VWA8: variants seen among roughly 807,000 people sequenced by gnomAD.
VWA8 encodes the protein von Willebrand factor A domain containing 8, also known as von Willebrand factor A domain-containing protein 8.
A neutral mutation model predicts 241.5 loss-of-function variants in VWA8; 221 were observed. The ratio of observed to expected loss-of-function variants is 0.91; its 90% CI spans 0.82 to 1.02. The LOEUF (loss-of-function observed/expected upper bound fraction) is 1.02. Ranked by LOEUF, VWA8 falls within the 50% of genes least tolerant of loss-of-function variation. The probability of loss-of-function intolerance (pLI) is 0.00; values close to 1 mark genes in which losing one functional copy is unlikely to be tolerated. For synonymous variants in VWA8, 852 were observed against 827.1 expected (o/e 1.03, Z -0.52); for missense variants, 2,322 against 2,328.7 (o/e 1.00, Z 0.06).
intron 37 of VWA8, among the ~76,000 whole-genome samples, chr13:41,649,662 GGGGGGTGA>G (rs750994898): frequency 4.0e-5 from 6 of 150,434 alleles, no homozygotes; most frequent in Non-Finnish European, 7.4e-5. Flanking sequence ...GTTTATTGCT[GGGGGGTGA>G]GGGGAGAATG....
intron 26 of VWA8, among the ~76,000 whole-genome samples, chr13:41,713,496 T>A (rs2045331039): frequency 6.6e-6 from 1 of 152,128 alleles, no homozygotes; most frequent in African/African-American, 2.4e-5. Flanking sequence ...ATGTAAAAAA[T>A]TTTAATTAAA....
chr13:41,575,794 C>T lies in VWA8; in HGVS notation c.5316G>A (p.Leu1772=), dbSNP rs750874222. The T allele has an allele frequency of 1.2e-6, 2 of 1,613,194 alleles. No homozygotes were observed. Among genetic ancestry groups the T allele is most frequent in the Non-Finnish European group, 1.7e-6 (2 of 1,179,920 alleles). The change falls in exon 43 of 45, where the codon CTG becomes CTA. Residue 1772 remains leucine, a synonymous_variant. Transcript: ENST00000379310. ...GHSGDGYNIG[L]VPMNKIPKDN... ...CCTTGGGGATTTTGTTCATTGGAAC[C>T]AGACCAATGTTGTAGCCATCTCCAG... is the stretch of plus-strand genomic sequence containing the variant.
chr13:41,820,243 TA>T (rs1241436276), intron 14 of VWA8, among the ~76,000 whole-genome samples: 7 of 152,102 alleles, frequency 4.6e-5, no homozygotes, highest in Non-Finnish European at 1.5e-5. Flanking sequence ...AAAGGAGAGA[TA>T]AAACATAAAC....
intron 21 of VWA8, among the ~76,000 whole-genome samples, chr13:41,741,185 C>T (rs753342800): frequency 1.3e-5 from 2 of 152,190 alleles, no homozygotes; most frequent in Non-Finnish European, 2.9e-5. Context: ...CTTTTTAGCA[C>T]TTGTTCACTG....
chr13:41,947,959 C>CAA (rs71214139), intron 2 of VWA8, among the ~76,000 whole-genome samples: 5 of 80,298 alleles, frequency 6.2e-5, no homozygotes, highest in Non-Finnish European at 1.3e-4. Context: ...AAAAACAAAA[C>CAA]AAAACATTTT....
chr13:41,899,760 T>G lies in VWA8; in HGVS notation c.483+7826A>C, dbSNP rs76927645. 7.1e-3 allele frequency among the ~76,000 whole-genome samples: 1,078 copies of G among 152,300 alleles called. 16 individuals carry two copies. The highest frequency in any genetic ancestry group is 0.025 in the African/African-American group (1,030 of 41,566). On this transcript the variant is annotated intron_variant, in intron 4 of 44. Transcript: ENST00000379310. The stretch of plus-strand genomic sequence containing the variant: ...CAAATGGCAAGTCCATTAAGTAATA[T>G]AGCAACAACGTACTGTGCCATACCA...
chr13:41,797,460 T>A (rs1248850914), intron 17 of VWA8, among the ~76,000 whole-genome samples: 1 of 152,196 alleles, frequency 6.6e-6, no homozygotes, highest in Non-Finnish European at 1.5e-5. Context: ...ATATCAAGTT[T>A]GTTAATGGTT....
rs1422482429 is a variant in VWA8 at position 41,570,634 on chromosome 13, C to T, written c.5443G>A (p.Glu1815Lys). 1 of 1,614,244 alleles carries T rather than the reference C, an allele frequency of 6.2e-7. No individual in the cohort carries two copies. The highest frequency in any genetic ancestry group is 8.5e-7 in the Non-Finnish European group (1 of 1,180,046). ...TLEGTEHAIKEIVKEEADEYF... is the reference protein window; with the variant it reads ...TLEGTEHAIKKIVKEEADEYF... ...TCATCAGCTTCTTCTTTGACAATTT[C>T]CTTGATGGCATGTTCTGTCCCTTCT... The change falls in exon 44 of 45, where the codon GAA (glutamate) becomes AAA (lysine). Residue 1815 changes from glutamate to lysine, a missense_variant. Coordinates refer to ENST00000379310, the MANE Select transcript of VWA8 (RefSeq NM_015058.2).
chr13:41,784,729 TACAC>T (rs1555335120), intron 18 of VWA8, among the ~76,000 whole-genome samples: 4 of 60,078 alleles, frequency 6.7e-5, no homozygotes, highest in African/African-American at 1.1e-4. Context: ...TATATATATA[TACAC>T]ACACATATAT....
chr13:41,925,835 T>C (rs553807427), intron 2 of VWA8: 8 of 302,038 alleles, frequency 2.6e-5, no homozygotes, highest in Admixed American at 2.1e-4. Flanking sequence ...ACAAGATCCA[T>C]AGTCAGGCAG....
chr13:41,635,771 A>C (rs983944936), intron 37 of VWA8, among the ~76,000 whole-genome samples: 1 of 152,182 alleles, frequency 6.6e-6, no homozygotes, highest in African/African-American at 2.4e-5. Context: ...GAAGAGTCAG[A>C]GAAATTTTCC....
chr13:41,630,894 G>T (rs2044721741), intron 37 of VWA8, among the ~76,000 whole-genome samples: 1 of 152,202 alleles, frequency 6.6e-6, no homozygotes, highest in Non-Finnish European at 1.5e-5. Context: ...AGGAAACTAA[G>T]AATTTAATCT....
At chr13:41,649,188 C>T (rs1459794162) in intron 37 of VWA8, among the ~76,000 whole-genome samples, 1 of 151,990 alleles carries the variant, frequency 6.6e-6, no homozygotes, top group African/African-American at 2.4e-5. Context: ...GTCTCAACAA[C>T]AATAACAACA....
chr13:41,888,724 T>C, intron 5 of VWA8, among the ~76,000 whole-genome samples: 1 of 152,226 alleles, frequency 6.6e-6, no homozygotes, highest in African/African-American at 2.4e-5. Flanking sequence ...TATACATGAC[T>C]GTCTCATGCT....
chr13:41,633,151 T>G (rs1358532455), intron 37 of VWA8, among the ~76,000 whole-genome samples: 1 of 152,244 alleles, frequency 6.6e-6, no homozygotes, highest in Non-Finnish European at 1.5e-5. Context: ...TATGTGCATA[T>G]GTATATATAC....
intron 21 of VWA8, among the ~76,000 whole-genome samples, chr13:41,747,252 T>C (rs1417834582): frequency 6.6e-6 from 1 of 152,244 alleles, no homozygotes; most frequent in Non-Finnish European, 1.5e-5. Context: ...CTTCCATTTG[T>C]TTGTATCCTC....
At chr13:41,639,582 A>G (rs143233745) in intron 37 of VWA8, among the ~76,000 whole-genome samples, 32 of 152,312 alleles carry the variant, frequency 2.1e-4, no homozygotes, top group African/African-American at 4.6e-4. Context: ...AAGAAATGCT[A>G]CCTTTGAAAT....
At chr13:41,910,652 G>T (rs146618562) in intron 3 of VWA8, among the ~76,000 whole-genome samples, 3 of 151,372 alleles carry the variant, frequency 2.0e-5, no homozygotes, top group East Asian at 3.9e-4. Flanking sequence ...AGCTGACTTC[G>T]CATTCTTAGA....
chr13:41,645,340 C>T (rs547476639), intron 37 of VWA8, among the ~76,000 whole-genome samples: 3 of 152,218 alleles, frequency 2.0e-5, no homozygotes, highest in South Asian at 2.1e-4. Flanking sequence ...AAAATAACTC[C>T]GGATTTTCAT....
Sources: gnomAD v4.1 joint callset for allele counts (sites outside exome capture counted in the v4.1 genomes callset) on GRCh38, gnomAD v4.1.1 for gene constraint, MANE v1.5 for transcripts, NCBI Gene and HGNC (gene_info 2026-07-23, HGNC 2026-07-21) for gene names.